Variants in KCNK2 observed in about 807,000 individuals in gnomAD.
The protein encoded by KCNK2 is potassium channel subfamily K member 2.
In KCNK2, 21 loss-of-function variants were observed where a neutral mutation model predicts 40.5. The ratio of observed to expected loss-of-function variants is 0.52; its 90% confidence interval spans 0.37 to 0.75. The LOEUF (loss-of-function observed/expected upper bound fraction) is 0.75, where lower values mean the gene tolerates loss of function less well. KCNK2 is among the 30% of genes least tolerant of loss of function. The probability of loss-of-function intolerance (pLI) is 0.00; values close to 1 mark genes in which losing one functional copy is unlikely to be tolerated. For missense variants in KCNK2, 399 were observed against 531.6 expected (o/e 0.75, Z 2.45); for synonymous variants, 191 against 202.2 (o/e 0.94, Z 0.47).
rs535730475 is a variant in KCNK2, at chr1:215,068,900, AG to A, written c.35-17467del. Among the ~76,000 whole-genome samples, 66 of 152,346 alleles carry A rather than the reference AG, an allele frequency of 4.3e-4. No homozygotes were observed. The East Asian group carries it at 9.7e-3, about 22-fold the overall frequency. ...GCAACCAGCTATTTGGGGCTACAAA[AG>A]TTTTACTTTAACTGAAATCCTGTTT... On this transcript the variant is annotated intron_variant, in intron 1 of 6. Transcript: ENST00000391895.
At chr1:215,189,463 C>T (rs753867751) in intron 5 of KCNK2, among the ~76,000 whole-genome samples, 2 of 152,132 alleles carry the variant, frequency 1.3e-5, no homozygotes, top group Non-Finnish European at 2.9e-5. Context: ...GAGTGAGTGA[C>T]ATCATGTGTT....
At chr1:215,055,276 C>A (rs1658119668) in intron 1 of KCNK2, among the ~76,000 whole-genome samples, 1 of 152,112 alleles carries the variant, frequency 6.6e-6, no homozygotes, top group Non-Finnish European at 1.5e-5. Context: ...TCACTGTTTG[C>A]AATTAGAAAT....
At chr1:215,114,754 G>A (rs1660845652) in intron 2 of KCNK2, among the ~76,000 whole-genome samples, 1 of 152,114 alleles carries the variant, frequency 6.6e-6, no homozygotes, top group African/African-American at 2.4e-5. Context: ...AACTTCCCAT[G>A]CAGTATATTA....
intron 2 of KCNK2, among the ~76,000 whole-genome samples, chr1:215,118,426 C>T (rs1406352998): frequency 1.3e-5 from 2 of 152,126 alleles, no homozygotes; most frequent in Non-Finnish European, 2.9e-5. Context: ...ATCCCACATT[C>T]TTCAAGTTTT....
intron 3 of KCNK2, among the ~76,000 whole-genome samples, chr1:215,163,015 G>T (rs1364941108): frequency 1.3e-4 from 19 of 151,998 alleles, no homozygotes; most frequent in Non-Finnish European, 2.6e-4. Flanking sequence ...AAATTACTTT[G>T]GGCAGTATGG....
chr1:215,089,645 T>G (rs1165990925), intron 2 of KCNK2, among the ~76,000 whole-genome samples: 1 of 152,064 alleles, frequency 6.6e-6, no homozygotes, highest in Admixed American at 6.6e-5. Flanking sequence ...GTGTATGTAC[T>G]AAGTGTTGTT....
chr1:215,036,596 G>A (rs1359774284), intron 1 of KCNK2, among the ~76,000 whole-genome samples: 1 of 151,668 alleles, frequency 6.6e-6, no homozygotes, highest in African/African-American at 2.4e-5. Context: ...GAATTGACAC[G>A]TGTTAAATCT....
intron 1 of KCNK2, among the ~76,000 whole-genome samples, chr1:215,015,601 C>G (rs1656558847): frequency 6.6e-6 from 1 of 152,060 alleles, no homozygotes; most frequent in Admixed American, 6.6e-5. Context: ...ATCTCAGTGA[C>G]AGAGACGTGT....
chr1:215,007,071 G>GTA lies in KCNK2; in HGVS notation c.34+1126_34+1127dup, dbSNP rs1202610470. On this transcript the variant is annotated intron_variant, in intron 1 of 6. Coordinates refer to the KCNK2 transcript ENST00000391895. ...TGTGTATATATATATGTGTGTGTGT[G>GTA]TATATATATATGTGTGTATATATAT... 5.7e-5 allele frequency among the ~76,000 whole-genome samples: 4 copies of GTA among 70,444 alleles called. 1 individual carries two copies. Among genetic ancestry groups the GTA allele is most frequent in the Admixed American group, 4.4e-4 (3 of 6,804 alleles). The allele number at this position is 70,444 out of a possible 152,430, so 46.2% of individuals were successfully genotyped here. A position where few individuals can be genotyped will look rare whatever the true frequency, so the allele number is the denominator to read the frequency against.
At chr1:215,039,219 T>C (rs1003941444) in intron 1 of KCNK2, among the ~76,000 whole-genome samples, 2 of 152,130 alleles carry the variant, frequency 1.3e-5, no homozygotes, top group African/African-American at 4.8e-5. Context: ...GGTGTCCTGA[T>C]TGGTCTTTAA....
At chr1:215,224,707 A>G (rs1032832524) in intron 6 of KCNK2, among the ~76,000 whole-genome samples, 4 of 152,200 alleles carry the variant, frequency 2.6e-5, no homozygotes, top group African/African-American at 9.6e-5. Context: ...CATGAAATTC[A>G]GGACTGGCAA....
intron 6 of KCNK2, among the ~76,000 whole-genome samples, chr1:215,202,491 A>G (rs553125614): frequency 6.6e-6 from 1 of 152,362 alleles, no homozygotes; most frequent in African/African-American, 2.4e-5. Context: ...AAGCCCAGAC[A>G]TGTCTAATTC....
chr1:215,197,686 CT>C (rs371160724), intron 6 of KCNK2, among the ~76,000 whole-genome samples: 3 of 152,118 alleles, frequency 2.0e-5, no homozygotes, highest in African/African-American at 7.2e-5. Context: ...ATACAAATTT[CT>C]ACATAACTGA....
intron 4 of KCNK2, among the ~76,000 whole-genome samples, chr1:215,171,022 G>A (rs921497729): frequency 3.9e-5 from 6 of 152,084 alleles, no homozygotes; most frequent in Admixed American, 6.6e-5. Flanking sequence ...GTTGACTAGA[G>A]GAATGTCTAT....
chr1:215,029,047 C>G (rs1657093544), intron 1 of KCNK2, among the ~76,000 whole-genome samples: 1 of 151,870 alleles, frequency 6.6e-6, no homozygotes, highest in Admixed American at 6.6e-5. Context: ...CCCTTTACCC[C>G]TGCCTCCATA....
At chr1:215,122,439 C>A (rs1661229350) in intron 2 of KCNK2, among the ~76,000 whole-genome samples, 1 of 152,034 alleles carries the variant, frequency 6.6e-6, no homozygotes, top group African/African-American at 2.4e-5. Flanking sequence ...ATAGTTACAA[C>A]ACAGAGTTAG....
rs367934540 is a variant in KCNK2, at chr1:215,235,185, G to A, written c.*40G>A. 2 of 1,506,144 alleles carry A rather than the reference G, an allele frequency of 1.3e-6. No individual in the cohort carries two copies. The highest frequency in any genetic ancestry group is 1.8e-6 in the Non-Finnish European group (2 of 1,099,532). The allele number at this position is 1,506,144 out of a possible 1,614,324, so 93.3% of individuals were successfully genotyped here. On this transcript the variant is annotated 3_prime_UTR_variant, in exon 7 of 7. Transcript: ENST00000444842. Reference sequence around the variant, plus strand: ...AACCTTAGGCATAGCCATAGGTGAGGACTTCTCTATGCTCTTTATGACTGT... The same window carrying A: ...AACCTTAGGCATAGCCATAGGTGAGAACTTCTCTATGCTCTTTATGACTGT...
chr1:215,194,517 T>G (rs1297183589), intron 5 of KCNK2, among the ~76,000 whole-genome samples: 1 of 152,214 alleles, frequency 6.6e-6, no homozygotes, highest in East Asian at 1.9e-4. Flanking sequence ...TGGCATTAAG[T>G]TGATTAGCTA....
intron 5 of KCNK2, among the ~76,000 whole-genome samples, chr1:215,180,209 C>T (rs1212043914): frequency 6.6e-6 from 1 of 152,042 alleles, no homozygotes; most frequent in Non-Finnish European, 1.5e-5. Flanking sequence ...GTTTGTGTGA[C>T]AGATCTTTCT....
Sources: allele counts gnomAD v4.1 joint callset (sites outside exome capture counted in the v4.1 genomes callset), GRCh38; gene constraint gnomAD v4.1.1; transcripts MANE v1.5; gene names NCBI Gene and HGNC (gene_info 2026-07-23, HGNC 2026-07-21).